The following CRTC2 variants were observed in gnomAD, a reference collection of about 807,000 sequenced individuals.
CRTC2 encodes the protein CREB regulated transcription coactivator 2.
Under a neutral mutation model 70.9 loss-of-function variants are expected in CRTC2, and 25 were observed. The ratio of observed to expected loss-of-function variants is 0.35; its 90% CI spans 0.26 to 0.49. The LOEUF is 0.49. Among genes scored for constraint, CRTC2 ranks in the 20% least tolerant of loss-of-function variants. The pLI is 0.98. For missense variants in CRTC2, 737 were observed against 882.6 expected, an observed-to-expected ratio of 0.83 and a Z score of 2.09; for synonymous variants, 330 against 364.1, an observed-to-expected ratio of 0.91 and a Z score of 1.07.
intron 1 of CRTC2, 108 bp downstream of exon 1, chr1:153,958,237 C>A: frequency 3.4e-6 from 5 of 1,486,318 alleles, no homozygotes; most frequent in Non-Finnish European, 4.5e-6. Context: ...CCCGCGTCCC[C>A]TGCTCTGTTC....
At chr1:153,948,744 C>A in intron 12 of CRTC2, 100 bp from the exon 13 acceptor site, 1 of 1,344,876 alleles carries the variant, frequency 7.4e-7, no homozygotes, top group Non-Finnish European at 1.0e-6. Flanking sequence ...CTTCATCCAC[C>A]CCAGGAACAG....
At chr1:153,951,224 G>C (rs1332705111) in intron 11 of CRTC2, 36 bp downstream of exon 11, 2 of 1,606,272 alleles carry the variant, frequency 1.2e-6, no homozygotes, top group South Asian at 2.2e-5. Flanking sequence ...GAAAAGGGAA[G>C]GGAGACAGAC....
intron 1 of CRTC2, 75 bp downstream of exon 1, chr1:153,958,270 G>A (rs1011378494): frequency 4.2e-5 from 65 of 1,530,424 alleles, no homozygotes; most frequent in Middle Eastern, 2.3e-4. Context: ...TGCGGCGCCC[G>A]CCCCCGCCCC....
Position 153,952,081 on chromosome 1 carries a change from G to A in CRTC2, c.934C>T (p.His312Tyr), listed in dbSNP as rs911199642. 6 of 1,614,028 alleles carry A rather than the reference G, an allele frequency of 3.7e-6. No individual in the cohort carries two copies. The highest frequency in any genetic ancestry group is 1.3e-5 in the African/African-American group (1 of 74,922). ...SGGNSTSNLT[H>Y]TMTHLGISRG... ...CTGATGCCCAGGTGAGTCATGGTGTGGGTCAAATTGGAGGTACTGTTGCCC... is the reference window on the plus strand; with the variant it reads ...CTGATGCCCAGGTGAGTCATGGTGTAGGTCAAATTGGAGGTACTGTTGCCC... The change falls in exon 10 of 14, where the codon CAC (histidine) becomes TAC (tyrosine). Residue 312 changes from histidine to tyrosine, a missense_variant. By Grantham distance (83) the His-to-Tyr change is moderately conservative. This residue lies in a region of CRTC2 where 699 missense variants were observed against 823.7 expected (regional missense o/e 0.85). Coordinates refer to ENST00000368633, the MANE Select transcript of CRTC2 (RefSeq NM_181715.3).
At chr1:153,952,352 G>A in intron 9 of CRTC2, 45 bp downstream of exon 9, 1 of 1,610,442 alleles carries the variant, frequency 6.2e-7, no homozygotes. Context: ...ACATCTCCCT[G>A]TACTTCCTTC....
intron 12 of CRTC2, 52 bp from the exon 13 acceptor site, chr1:153,948,696 T>TGC (rs1465030261): frequency 1.9e-6 from 3 of 1,550,936 alleles, no homozygotes; most frequent in African/African-American, 1.4e-5. Flanking sequence ...ACTGGTGTCC[T>TGC]GCCTAGCCCT....
At chr1:153,951,040 A>T (rs1680287511) in intron 11 of CRTC2, among the ~76,000 whole-genome samples, 1 of 152,220 alleles carries the variant, frequency 6.6e-6, no homozygotes, top group South Asian at 2.1e-4. Context: ...TAAGAGGTGG[A>T]GCCAGGGTTT....
rs1223796441 is a variant in CRTC2, at chr1:153,954,276, G to A, written c.413C>T (p.Pro138Leu). ...SPYSPAYLSPPPESSWRRTMA... is the reference protein window; with the variant it reads ...SPYSPAYLSPLPESSWRRTMA... ...TTACCTTCGCCAGCTAGACTCTGGG[G>A]GAGGAGATAAGTAGGCAGGACTATA... The change falls in exon 4 of 14, where the codon CCC (proline) becomes CTC (leucine). Residue 138 changes from proline (P) to leucine (L), a missense_variant. By Grantham distance (98) the Pro-to-Leu change is moderately conservative. This residue lies in a region of CRTC2 where 699 missense variants were observed against 823.7 expected (regional missense o/e 0.85). Transcript: ENST00000368633. 2.5e-6 allele frequency: 4 copies of A among 1,612,680 alleles called. No individual in the cohort carries two copies. The Admixed American group carries it at 5.0e-5, about 20-fold the overall frequency.
Position 153,954,252 on chromosome 1 carries a change from T to C in CRTC2, c.434+3A>G, listed in dbSNP as rs374017130. 1.9e-5 allele frequency: 30 copies of C among 1,610,530 alleles called. 1 individual carries two copies. In the African/African-American group the frequency reaches 2.8e-4, roughly 15 times the overall value. The stretch of plus-strand genomic sequence containing the variant: ...GGAGCTTCTGCCCGCCCTGGACACT[T>C]ACCTTCGCCAGCTAGACTCTGGGGG... On this transcript the variant is annotated splice_donor_region_variant and intron_variant, in intron 4 of 13. Transcript: ENST00000368633.
chr1:153,952,965 C>T (rs902998010), intron 6 of CRTC2, 131 bp from the exon 7 acceptor site: 69 of 1,137,430 alleles, frequency 6.1e-5, no homozygotes, highest in Non-Finnish European at 8.3e-5. Context: ...AGGTGGATCA[C>T]GAGGTCAGGA....
chr1:153,956,487 G>A (rs1680621871), intron 1 of CRTC2, among the ~76,000 whole-genome samples: 1 of 152,246 alleles, frequency 6.6e-6, no homozygotes, highest in South Asian at 2.1e-4. Context: ...GAGGAGGGCA[G>A]CTGAGGAGGG....
Position 153,949,414 on chromosome 1 carries a change from C to T in CRTC2, c.1405-30G>A, listed in dbSNP as rs370654163. On this transcript the variant is annotated intron_variant, in intron 11 of 13. Coordinates refer to ENST00000368633, the MANE Select transcript of CRTC2 (RefSeq NM_181715.3). ...AAAGAAGTAAAAAGAGGGAAGCTTA[C>T]TGCTCAGTGTATACCCCAAGAACTC... 7.7e-5 allele frequency: 122 copies of T among 1,580,822 alleles called. No homozygotes were observed. The African/African-American group carries it at 1.5e-3, about 19-fold the overall frequency.
At chr1:153,956,656 G>GTATAC (rs967637827) in intron 1 of CRTC2, among the ~76,000 whole-genome samples, 3 of 152,166 alleles carry the variant, frequency 2.0e-5, no homozygotes, top group Non-Finnish European at 4.4e-5. Flanking sequence ...GTATCTCAGT[G>GTATAC]GTATAGCCTC....
intron 10 of CRTC2, 83 bp from the exon 11 acceptor site, chr1:153,951,749 AC>A: frequency 6.9e-7 from 1 of 1,450,494 alleles, no homozygotes; most frequent in Non-Finnish European, 9.4e-7. Context: ...GGTGGCAGTG[AC>A]CAGACTATGA....
Position 153,947,803 on chromosome 1 carries a change from C to A in CRTC2, c.*306G>T, listed in dbSNP as rs962715227. 2.4e-6 allele frequency: 1 copy of A among 419,464 alleles called. No homozygotes were observed. The highest frequency in any genetic ancestry group is 2.0e-5 in the African/African-American group (1 of 49,756). The allele number at this position is 419,464 out of a possible 1,614,324, so 26.0% of individuals were successfully genotyped here. A position where few individuals can be genotyped will look rare whatever the true frequency, so the allele number is the denominator to read the frequency against. On this transcript the variant is annotated 3_prime_UTR_variant, in exon 14 of 14. Coordinates refer to ENST00000368633, the MANE Select transcript of CRTC2 (RefSeq NM_181715.3). ...CTGGCACTGCCCACCCCTAGGCATC[C>A]GGAAAAGCCCTGCTTCCAGGGCTCC...
chr1:153,952,222 G>C lies in CRTC2; in HGVS notation c.793C>G (p.Leu265Val). 6.2e-7 allele frequency: 1 copy of C among 1,611,720 alleles called. No homozygotes were observed. Among genetic ancestry groups the C allele is most frequent in the Non-Finnish European group, 8.5e-7 (1 of 1,178,426 alleles). ...CCCCCCGTGTTCATGGCAGGTGGGAGGACAGGCACATTGGCAGGCTGGTCA... is the reference window on the plus strand; with the variant it reads ...CCCCCCGTGTTCATGGCAGGTGGGACGACAGGCACATTGGCAGGCTGGTCA... ...SPDQPANVPV[L>V]PPAMNTGGSL... Residue 265 changes from leucine (L) to valine (V), a missense_variant, in exon 10 of 14, where the codon CTC (leucine) becomes GTC (valine). This residue lies in a region of CRTC2 where 699 missense variants were observed against 823.7 expected (regional missense o/e 0.85). Transcript: ENST00000368633.
chr1:153,949,164 T>A lies in CRTC2; in HGVS notation c.1625A>T (p.His542Leu), dbSNP rs1258417612. The change falls in exon 12 of 14, where the codon CAT (histidine) becomes CTT (leucine). Residue 542 changes from histidine (H) to leucine (L), a missense_variant. His to Leu is a moderately conservative substitution (Grantham distance 99, BLOSUM62 -3). This residue lies in a region of CRTC2 where 699 missense variants were observed against 823.7 expected (regional missense o/e 0.85). Coordinates refer to ENST00000368633, the MANE Select transcript of CRTC2 (RefSeq NM_181715.3). ...TGGCCGGTGGTAAGACTGTTGCCCA[T>A]GCCCACTGGGCCCAGGTGGGTACGG... ...GTPYPPGPSG[H>L]GQQSYHRPMS... The A allele has an allele frequency of 1.2e-6, 2 of 1,613,632 alleles. No individual in the cohort carries two copies. Among genetic ancestry groups the A allele is most frequent in the Admixed American group, 3.3e-5 (2 of 59,944 alleles).
chr1:153,958,026 G>A, intron 1 of CRTC2: 11 of 1,234,718 alleles, frequency 8.9e-6, no homozygotes, highest in Non-Finnish European at 1.1e-5. Context: ...GCGTCCTCGA[G>A]GGGACTCCGT....
intron 3 of CRTC2, 128 bp downstream of exon 3, chr1:153,954,745 G>A: frequency 3.6e-6 from 3 of 828,386 alleles, no homozygotes; most frequent in Non-Finnish European, 5.9e-6. Context: ...CGCTTTTCAG[G>A]GAAGCTGGGT....
Sources: gnomAD v4.1 joint callset for allele counts (sites outside exome capture counted in the v4.1 genomes callset) on GRCh38, gnomAD v4.1.1 for gene constraint, gnomAD v4.1.1 regional missense constraint, MANE v1.5 for transcripts, NCBI Gene and HGNC (gene_info 2026-07-23, HGNC 2026-07-21) for gene names.